The following HACD4 variants were observed in gnomAD, a reference collection of about 807,000 sequenced individuals.
HACD4 encodes the protein 3-hydroxyacyl-CoA dehydratase 4, also known as very-long-chain (3R)-3-hydroxyacyl-CoA dehydratase 4.
A neutral mutation model predicts 33.3 loss-of-function variants in HACD4; 35 were observed. The ratio of observed to expected loss-of-function variants is 1.05; its 90% CI spans 0.80 to 1.39. The LOEUF (loss-of-function observed/expected upper bound fraction) is 1.39. HACD4 is among the 40% of genes most tolerant of loss of function. HACD4 has a pLI of 0.00. For missense variants in HACD4, 323 were observed against 276.5 expected, an observed-to-expected ratio of 1.17 and a Z score of -1.19; for synonymous variants, 118 against 98.0, an observed-to-expected ratio of 1.20 and a Z score of -1.21.
intron 3 of HACD4, among the ~76,000 whole-genome samples, chr9:21,020,329 T>C (rs1376077604): frequency 9.9e-5 from 15 of 152,142 alleles, no homozygotes; most frequent in Non-Finnish European, 1.5e-5. Flanking sequence ...TGGAGTAATC[T>C]ATTAAGGGTT....
chr9:21,021,485 G>T (rs887548301), intron 3 of HACD4, among the ~76,000 whole-genome samples: 3 of 152,118 alleles, frequency 2.0e-5, no homozygotes, highest in Non-Finnish European at 2.9e-5. Context: ...AAACCCCATC[G>T]TCTCAGCCCA....
chr9:20,999,621 T>C lies in HACD4; in HGVS notation c.*7416A>G, dbSNP rs1842136635. ...ATAAGTTGAAAGAAAAAAACAAAAC[T>C]TATGTGTCTTCTAAATATAAGGAAC... On this transcript the variant is annotated 3_prime_UTR_variant, in exon 7 of 7. Coordinates refer to ENST00000495827, the MANE Select transcript of HACD4 (RefSeq NM_001010915.5). 1.5e-5 allele frequency: 1 copy of C among 65,194 alleles called. No individual in the cohort carries two copies. Among genetic ancestry groups the C allele is most frequent in the South Asian group, 4.0e-4 (1 of 2,522 alleles). The allele number at this position is 65,194 out of a possible 1,614,324, so 4.0% of individuals were successfully genotyped here.
rs1842175384 is a variant in HACD4 at position 21,002,103 on chromosome 9, C to T, written c.*4934G>A. 1 of 151,810 alleles carries T rather than the reference C, an allele frequency of 6.6e-6. No homozygotes were observed. The highest frequency in any genetic ancestry group is 6.6e-5 in the Admixed American group (1 of 15,258). The allele number at this position is 151,810 out of a possible 1,614,324, so 9.4% of individuals were successfully genotyped here. A position where few individuals can be genotyped will look rare whatever the true frequency, so the allele number is the denominator to read the frequency against. On this transcript the variant is annotated 3_prime_UTR_variant, in exon 7 of 7. Transcript: ENST00000495827. The stretch of plus-strand genomic sequence containing the variant: ...TTGTGAAACTTAAAGGAGTGATAGA[C>T]AGAGATATAAAGAGCAGAATTTTTG...
At chr9:21,020,893 T>C (rs976288679) in intron 3 of HACD4, among the ~76,000 whole-genome samples, 2 of 152,240 alleles carry the variant, frequency 1.3e-5, no homozygotes, top group Non-Finnish European at 2.9e-5. Context: ...AATGGGTTTT[T>C]TCCTTTCCTT....
chr9:21,023,331 A>G (rs1446850297), intron 3 of HACD4, among the ~76,000 whole-genome samples: 1 of 152,172 alleles, frequency 6.6e-6, no homozygotes, highest in African/African-American at 2.4e-5. Flanking sequence ...ACAAACCTGC[A>G]CACTGTACAC....
Position 21,006,668 on chromosome 9 carries a change from T to A in HACD4, c.*369A>T, listed in dbSNP as rs1842277683. The A allele has an allele frequency of 4.0e-6, 1 of 247,436 alleles. No individual in the cohort carries two copies. The highest frequency in any genetic ancestry group is 4.6e-5 in the South Asian group (1 of 21,716). The allele number at this position is 247,436 out of a possible 1,614,324, so 15.3% of individuals were successfully genotyped here. A position where few individuals can be genotyped will look rare whatever the true frequency, so the allele number is the denominator to read the frequency against. ...TTGGGAACTTGGAAGTGAAAAAGAA[T>A]ACATGTAATTTAGGTTATCAAGTTT... On this transcript the variant is annotated 3_prime_UTR_variant, in exon 7 of 7. Transcript: ENST00000495827. The surrounding 1 kb of genome is among the most constrained non-coding windows in gnomAD (Gnocchi z 4.6).
chr9:21,007,058 G>T lies in HACD4; in HGVS notation c.678C>A (p.Pro226=). 6.3e-7 allele frequency: 1 copy of T among 1,579,174 alleles called. No homozygotes were observed. The highest frequency in any genetic ancestry group is 1.1e-5 in the South Asian group (1 of 90,316). The change falls in exon 7 of 7, where the codon CCC becomes CCA. Residue 226 remains proline (P), a synonymous_variant. Coordinates refer to ENST00000495827, the MANE Select transcript of HACD4 (RefSeq NM_001010915.5). ...SERRDILGIF[P]IKKKKM ...TACTTCACATCTTCTTTTTTTTAAT[G>T]GGAAAGATTCCGAGGATGTCTCTTC... is the stretch of plus-strand genomic sequence containing the variant.
intron 1 of HACD4, 130 bp downstream of exon 1, chr9:21,031,423 T>G: frequency 7.6e-7 from 1 of 1,319,878 alleles, no homozygotes; most frequent in Non-Finnish European, 9.6e-7. Context: ...AAGGGGTGCC[T>G]GGGCACGGTA....
intron 3 of HACD4, 25 bp downstream of exon 3, chr9:21,026,571 A>T: frequency 6.3e-7 from 1 of 1,578,068 alleles, no homozygotes; most frequent in Non-Finnish European, 8.6e-7. Flanking sequence ...AACAGATTCT[A>T]TAATAATATG....
rs397709627 is a variant in HACD4, at chr9:21,023,574, CTT to C, written c.270+3020_270+3021del. ...AAGAATTCAGTTGTCACTTAACAAT[CTT>C]TTTTTTTTTTTTTTTTGAGACGGAG... On this transcript the variant is annotated intron_variant, in intron 3 of 6. Transcript: ENST00000495827. Among the ~76,000 whole-genome samples, 298 of 128,884 alleles carry C rather than the reference CTT, an allele frequency of 2.3e-3. 1 individual carries two copies. The highest frequency in any genetic ancestry group is 7.9e-3 in the African/African-American group (278 of 35,004). The allele number at this position is 128,884 out of a possible 152,430, so 84.6% of individuals were successfully genotyped here. A position where few individuals can be genotyped will look rare whatever the true frequency, so the allele number is the denominator to read the frequency against.
chr9:21,022,570 A>G lies in HACD4; in HGVS notation c.270+4026T>C, dbSNP rs151133540. On this transcript the variant is annotated intron_variant, in intron 3 of 6. Coordinates refer to ENST00000495827, the MANE Select transcript of HACD4 (RefSeq NM_001010915.5). ...AAAAGTGGGCAAAGGATATGAACAG[A>G]TACTTCTCAAAAGAACACATTTATG... is the stretch of plus-strand genomic sequence containing the variant. Among the ~76,000 whole-genome samples the G allele has an allele frequency of 3.6e-3, 552 of 152,356 alleles. 21 individuals are homozygous for G. In the East Asian group the frequency reaches 0.079, roughly 22 times the overall value.
At chr9:21,018,210 T>C (rs187773365) in intron 3 of HACD4, among the ~76,000 whole-genome samples, 53 of 152,352 alleles carry the variant, frequency 3.5e-4, no homozygotes, top group African/African-American at 1.2e-3. Context: ...CTAATATTTA[T>C]TGTTTACCTT....
chr9:21,011,745 G>A (rs770012358), intron 4 of HACD4, 50 bp from the exon 5 acceptor site: 7 of 913,024 alleles, frequency 7.7e-6, no homozygotes, highest in Non-Finnish European at 1.2e-5. Context: ...TAATATCTGG[G>A]AAATAGGAGA....
chr9:21,015,704 C>T lies in HACD4; in HGVS notation c.383+194G>A, dbSNP rs543253441. On this transcript the variant is annotated intron_variant, in intron 4 of 6. Coordinates refer to ENST00000495827, the MANE Select transcript of HACD4 (RefSeq NM_001010915.5). ...GTGCTGATTTACTCTTGTAATACCA[C>T]GGTAGGTTTTCATTATCTTTGATAT... 129 of 453,826 alleles carry T rather than the reference C, an allele frequency of 2.8e-4. 1 individual carries two copies. Among genetic ancestry groups the T allele is most frequent in the South Asian group, 2.7e-4 (7 of 25,890 alleles). 28.1% of individuals were successfully genotyped at this position (453,826 alleles called of 1,614,324 possible).
At chr9:21,014,775 CAAGT>C (rs1842516874) in intron 4 of HACD4, among the ~76,000 whole-genome samples, 1 of 152,132 alleles carries the variant, frequency 6.6e-6, no homozygotes, top group Non-Finnish European at 1.5e-5. Flanking sequence ...CATCACTTAG[CAAGT>C]AAGTAGTGGA....
chr9:21,007,801 T>C (rs1326066726), intron 6 of HACD4, among the ~76,000 whole-genome samples: 1 of 152,144 alleles, frequency 6.6e-6, no homozygotes, highest in Non-Finnish European at 1.5e-5. Context: ...GATAGTAAAA[T>C]TGTTCTTATT....
Position 21,029,369 on chromosome 9 carries a change from T to C in HACD4, c.68A>G (p.Tyr23Cys). ...GTGGCCACAGAACTGGATTAAGTAATAGATGAAAAGATACGCATTCTTCCT... is the reference window on the plus strand; with the variant it reads ...GTGGCCACAGAACTGGATTAAGTAACAGATGAAAAGATACGCATTCTTCCT... ...RYRKNAYLFI[Y>C]YLIQFCGHSW... is the part of the protein sequence containing the mutation. Residue 23 changes from tyrosine (Y) to cysteine (C), a missense_variant, in exon 2 of 7, where the codon TAT becomes TGT. Coordinates refer to ENST00000495827, the MANE Select transcript of HACD4 (RefSeq NM_001010915.5). 6.3e-7 allele frequency: 1 copy of C among 1,593,512 alleles called. No individual in the cohort carries two copies. Among genetic ancestry groups the C allele is most frequent in the South Asian group, 1.1e-5 (1 of 89,628 alleles).
intron 3 of HACD4, among the ~76,000 whole-genome samples, chr9:21,025,016 C>T (rs927389175): frequency 1.3e-5 from 2 of 152,118 alleles, no homozygotes; most frequent in Admixed American, 6.5e-5. Context: ...GTAATAAACA[C>T]CAATAAATCT....
At position 21,002,068 on chromosome 9, in the gene HACD4, GTA is replaced by G. The variant is rs1842174873; in HGVS notation, c.*4967_*4968del. On this transcript the variant is annotated 3_prime_UTR_variant, in exon 7 of 7. Coordinates refer to ENST00000495827, the MANE Select transcript of HACD4 (RefSeq NM_001010915.5). ...TAAAAATTGATTTTGGACACACAGT[GTA>G]TATAATTTTGTGAAACTTAAAGGAG... 6.6e-6 allele frequency: 1 copy of G among 152,084 alleles called. No homozygotes were observed. Among genetic ancestry groups the G allele is most frequent in the African/African-American group, 2.4e-5 (1 of 41,440 alleles). The allele number at this position is 152,084 out of a possible 1,614,324, so 9.4% of individuals were successfully genotyped here.
Sources: allele counts gnomAD v4.1 joint callset (sites outside exome capture counted in the v4.1 genomes callset), GRCh38; gene constraint gnomAD v4.1.1; non-coding constraint Gnocchi (gnomAD v3.1); transcripts MANE v1.5; gene names NCBI Gene and HGNC (gene_info 2026-07-23, HGNC 2026-07-21).